The following CTNNAL1 variants were observed in gnomAD, a reference collection of about 807,000 sequenced individuals.
The protein encoded by CTNNAL1 is catenin alpha like 1, also known as alpha-catulin.
In CTNNAL1, 69 loss-of-function variants were observed where a neutral mutation model predicts 93.6. The observed-to-expected ratio is 0.74, with a 90% CI of 0.61 to 0.90. The LOEUF is 0.90. CTNNAL1 is among the 40% of genes least tolerant of loss of function. The pLI is 0.00. For synonymous variants in CTNNAL1, 286 were observed against 305.4 expected, an observed-to-expected ratio of 0.94 and a Z score of 0.66; for missense variants, 836 against 862.0, an observed-to-expected ratio of 0.97 and a Z score of 0.38.
chr9:108,998,221 C>A (rs138440758), intron 2 of CTNNAL1, among the ~76,000 whole-genome samples: 1 of 152,242 alleles, frequency 6.6e-6, no homozygotes, highest in African/African-American at 2.4e-5. Context: ...GGGGACCTTC[C>A]AGCATCTAGT....
intron 17 of CTNNAL1, among the ~76,000 whole-genome samples, chr9:108,943,419 A>C (rs1830304811): frequency 6.6e-6 from 1 of 152,156 alleles, no homozygotes; most frequent in Non-Finnish European, 1.5e-5. Context: ...GGGAGACCAG[A>C]CTCGGAGGCA....
intron 11 of CTNNAL1, among the ~76,000 whole-genome samples, chr9:108,958,504 G>T (rs1402869180): frequency 6.6e-6 from 1 of 152,164 alleles, no homozygotes; most frequent in Admixed American, 6.5e-5. Context: ...GTTAGACTCT[G>T]CATGATTTAT....
intron 11 of CTNNAL1, among the ~76,000 whole-genome samples, chr9:108,960,698 G>C (rs1830800428): frequency 1.3e-5 from 2 of 152,192 alleles, no homozygotes; most frequent in South Asian, 4.1e-4. Context: ...AGGAAGGATA[G>C]AGACCGCAAG....
In CTNNAL1 at chr9:108,992,637, T is replaced by G; in HGVS notation, c.514A>C (p.Asn172His). ...AACATCAGAAAGGTAAGTACCTTAT[T>G]TCTTGATGTTATTATCTGTTTAATG... The part of the protein sequence containing the change: ...VVIKQIITSR[N>H]KVLATMERLE... Residue 172 changes from asparagine to histidine, a missense_variant, in exon 3 of 19, where the codon AAT becomes CAT. Transcript: ENST00000325551. 1 of 1,607,812 alleles carries G rather than the reference T, an allele frequency of 6.2e-7. No homozygotes were observed. The highest frequency in any genetic ancestry group is 8.5e-7 in the Non-Finnish European group (1 of 1,177,628).
intron 15 of CTNNAL1, among the ~76,000 whole-genome samples, chr9:108,944,905 C>T (rs1289524314): frequency 6.6e-6 from 1 of 152,212 alleles, no homozygotes; most frequent in African/African-American, 2.4e-5. Flanking sequence ...TCAAATCGTA[C>T]TTTGCAACCT....
rs1830316754 is a variant in CTNNAL1 at position 108,943,764 on chromosome 9, G to A, written c.1994C>T (p.Pro665Leu). ...MLLLEINKLIPLCHQLQTVTK... is the reference protein window; with the variant it reads ...MLLLEINKLILLCHQLQTVTK... ...TACTGTCTGGAGCTGGTGGCATAGA[G>A]GAATTAGCTTGTTTATTTCCAGGAG... The change falls in exon 17 of 19, where the codon CCT becomes CTT. Residue 665 changes from proline to leucine, a missense_variant. Physicochemically the swap from Pro to Leu is moderately conservative, Grantham distance 98. Coordinates refer to ENST00000325551, the MANE Select transcript of CTNNAL1 (RefSeq NM_003798.4). 1.2e-6 allele frequency: 2 copies of A among 1,613,840 alleles called. No homozygotes were observed.
chr9:109,007,965 A>G (rs926517364), intron 1 of CTNNAL1, among the ~76,000 whole-genome samples: 4 of 151,902 alleles, frequency 2.6e-5, no homozygotes. Context: ...TTCACTCAAC[A>G]TTATGTTTTT....
Position 108,979,456 on chromosome 9 carries a change from T to C in CTNNAL1, c.926A>G (p.Asn309Ser). Residue 309 changes from asparagine to serine, a missense_variant, in exon 7 of 19, where the codon AAT becomes AGT. By Grantham distance (46) the Asn-to-Ser change is conservative (BLOSUM62 1). Coordinates refer to ENST00000325551, the MANE Select transcript of CTNNAL1 (RefSeq NM_003798.4). ...GTTCTCTTTGGACTGAAAATAAAGA[T>C]TCTCCCGAAGAGCTTCAATATTCAT... Reference protein sequence around the residue: ...FKMNIEALRENLYFQSKENLS... With the variant: ...FKMNIEALRESLYFQSKENLS... 6.2e-7 allele frequency: 1 copy of C among 1,614,058 alleles called. No individual in the cohort carries two copies. The highest frequency in any genetic ancestry group is 1.1e-5 in the South Asian group (1 of 91,064).
chr9:108,955,043 A>C (rs893252304), intron 12 of CTNNAL1, among the ~76,000 whole-genome samples: 4 of 151,614 alleles, frequency 2.6e-5, no homozygotes, highest in Non-Finnish European at 5.9e-5. Context: ...GCTCACTGCA[A>C]CCTCCATCTC....
At position 108,983,294 on chromosome 9, in the gene CTNNAL1, A is replaced by C; in HGVS notation, c.751T>G (p.Cys251Gly). The part of the protein sequence containing the change: ...ASKTCLRHPN[C>G]ESAHKNKEGV... ...TCTTTGTTTTTATGGGCTGATTCGC[A>C]GTTAGGATGCCTCAGACATGTCTTC... is the stretch of plus-strand genomic sequence containing the variant. The change falls in exon 6 of 19, where the codon TGC becomes GGC. Residue 251 changes from cysteine to glycine, a missense_variant. By Grantham distance (159) the Cys-to-Gly change is radical. Transcript: ENST00000325551. 2 of 1,553,704 alleles carry C rather than the reference A, an allele frequency of 1.3e-6. No homozygotes were observed. The highest frequency in any genetic ancestry group is 1.7e-6 in the Non-Finnish European group (2 of 1,151,460).
At chr9:108,972,864 G>GGGGCGCCCCCCCCCCCCCC in intron 8 of CTNNAL1, 31 bp from the exon 9 acceptor site, 1 of 142,588 alleles carries the variant, frequency 7.0e-6, no homozygotes, top group Non-Finnish European at 1.0e-5. Flanking sequence ...GGGGGGGTGG[G>GGGGCGCCCCCCCCCCCCCC]AGGGTGGAGA....
chr9:108,981,298 T>C (rs528437304), intron 6 of CTNNAL1, among the ~76,000 whole-genome samples: 37 of 152,346 alleles, frequency 2.4e-4, no homozygotes, highest in African/African-American at 8.4e-4. Flanking sequence ...ATAAAATTTC[T>C]AAGAGAAGGT....
chr9:108,981,989 G>A (rs891133311), intron 6 of CTNNAL1, among the ~76,000 whole-genome samples: 3 of 152,270 alleles, frequency 2.0e-5, no homozygotes, highest in Admixed American at 2.0e-4. Flanking sequence ...TCTCATCATA[G>A]CCCTGTCTGT....
rs540349232 is a variant in CTNNAL1, at chr9:108,957,278, G to A, written c.1592-1451C>T. Among the ~76,000 whole-genome samples the A allele has an allele frequency of 2.6e-5, 4 of 151,878 alleles. No individual in the cohort carries two copies. In the East Asian group the frequency reaches 5.8e-4, roughly 22 times the overall value. On this transcript the variant is annotated intron_variant, in intron 11 of 18. Coordinates refer to ENST00000325551, the MANE Select transcript of CTNNAL1 (RefSeq NM_003798.4). ...CTGGGACCACAGGCATGTGACACCA[G>A]CTAATTTATTTGTATTTTTTTTAAG... is the stretch of plus-strand genomic sequence containing the variant.
At chr9:108,958,951 A>AG (rs1174848084) in intron 11 of CTNNAL1, among the ~76,000 whole-genome samples, 1 of 148,400 alleles carries the variant, frequency 6.7e-6, no homozygotes, top group Non-Finnish European at 1.5e-5. Flanking sequence ...GATTCTAAGC[A>AG]GAAAAAAAAA....
At chr9:108,965,933 G>A (rs1454979733) in intron 10 of CTNNAL1, among the ~76,000 whole-genome samples, 1 of 152,144 alleles carries the variant, frequency 6.6e-6, no homozygotes, top group African/African-American at 2.4e-5. Flanking sequence ...AGTAGGAATG[G>A]TAGTGATAAT....
intron 12 of CTNNAL1, among the ~76,000 whole-genome samples, chr9:108,952,783 G>T (rs1206413538): frequency 1.3e-5 from 2 of 152,156 alleles, no homozygotes; most frequent in East Asian, 3.8e-4. Context: ...GGCTTCCAGG[G>T]ACTCAAGACA....
intron 4 of CTNNAL1, among the ~76,000 whole-genome samples, chr9:108,987,093 A>C (rs1097965): frequency 0.93 from 141,604 of 152,066 alleles, 66,029 homozygotes; most frequent in East Asian, 1. Context: ...TTAGACATGA[A>C]GTCCTTGCCC....
At chr9:108,975,781 G>A (rs1320011669) in intron 8 of CTNNAL1, among the ~76,000 whole-genome samples, 1 of 152,182 alleles carries the variant, frequency 6.6e-6, no homozygotes, top group Non-Finnish European at 1.5e-5. Context: ...TGCTGTTGTA[G>A]TGAGAAAACA....
Sources: gnomAD v4.1 joint callset for allele counts (sites outside exome capture counted in the v4.1 genomes callset) on GRCh38, gnomAD v4.1.1 for gene constraint, MANE v1.5 for transcripts, NCBI Gene and HGNC (gene_info 2026-07-23, HGNC 2026-07-21) for gene names.